KRT5: variants seen among roughly 807,000 people sequenced by gnomAD.
The protein encoded by KRT5 is keratin 5, also known as keratin, type II cytoskeletal 5.
Under a neutral mutation model 44.0 loss-of-function variants are expected in KRT5, and 17 were observed. The observed-to-expected ratio is 0.39, with a 90% CI of 0.26 to 0.58. The LOEUF is 0.58. Among genes scored for constraint, KRT5 ranks in the 20% least tolerant of loss-of-function variants. The pLI is 0.61. For missense variants in KRT5, 737 were observed against 785.5 expected, an observed-to-expected ratio of 0.94 and a Z score of 0.74; for synonymous variants, 329 against 312.8, an observed-to-expected ratio of 1.05 and a Z score of -0.55.
At chr12:52,515,547 C>G (rs1938596665) in intron 8 of KRT5, 2 of 624,968 alleles carry the variant, frequency 3.2e-6, no homozygotes, top group Non-Finnish European at 2.8e-6. Flanking sequence ...GTACTAGGGA[C>G]AAGGCAGGGG....
In KRT5 at chr12:52,519,829, T is replaced by G. The variant is rs1180564454; in HGVS notation, c.468A>C (p.Gln156His). ...TCACCCTCTGGATGCTGGGGTCGAT[T>G]TGCAGGTTGAGGGGAGTCAGGAGAC... is the stretch of plus-strand genomic sequence containing the variant. The part of the protein sequence containing the change: ...NQSLLTPLNL[Q>H]IDPSIQRVRT... The change falls in exon 1 of 9, where the codon CAA becomes CAC. Residue 156 changes from glutamine (Q) to histidine (H), a missense_variant. Transcript: ENST00000252242. The G allele has an allele frequency of 4.3e-6, 7 of 1,613,746 alleles. No homozygotes were observed. The African/African-American group carries it at 9.4e-5, about 22-fold the overall frequency.
chr12:52,518,794 G>A (rs1400406165), intron 2 of KRT5, 152 bp downstream of exon 2: 2 of 954,722 alleles, frequency 2.1e-6, no homozygotes, highest in Non-Finnish European at 1.6e-6. Context: ...CCTGGCTTGT[G>A]TATTTGTTTG....
chr12:52,519,681 T>A, intron 1 of KRT5, 61 bp downstream of exon 1: 3 of 1,508,464 alleles, frequency 2.0e-6, no homozygotes, highest in Non-Finnish European at 2.8e-6. Flanking sequence ...CTTCCTTCTT[T>A]CTCTCTCTTT....
chr12:52,519,274 G>T, intron 1 of KRT5, 114 bp from the exon 2 acceptor site: 2 of 1,471,272 alleles, frequency 1.4e-6, no homozygotes, highest in East Asian at 2.4e-5. Flanking sequence ...TGTGCACTGT[G>T]CCTGGCCCTG....
At chr12:52,517,511 A>G in intron 5 of KRT5, 79 bp downstream of exon 5, 1 of 1,493,130 alleles carries the variant, frequency 6.7e-7, no homozygotes, top group South Asian at 1.1e-5. Context: ...CAGGAGCCCC[A>G]TTCTTAGTGT....
chr12:52,519,839 A>G lies in KRT5; in HGVS notation c.458T>C (p.Leu153Pro), dbSNP rs1230945384. The G allele has an allele frequency of 2.5e-6, 4 of 1,613,774 alleles. No homozygotes were observed. Among genetic ancestry groups the G allele is most frequent in the Non-Finnish European group, 3.4e-6 (4 of 1,179,972 alleles). ...GATGCTGGGGTCGATTTGCAGGTTG[A>G]GGGGAGTCAGGAGACTCTGGTTGAC... ...VTVNQSLLTPLNLQIDPSIQR... is the reference protein window; with the variant it reads ...VTVNQSLLTPPNLQIDPSIQR... Residue 153 changes from leucine (L) to proline (P), a missense_variant, in exon 1 of 9, where the codon CTC (leucine) becomes CCC (proline). Around this residue, in one of 5 missense-constraint regions of KRT5, gnomAD observed 326 missense variants for 333.1 expected, o/e 0.98. Transcript: ENST00000252242.
In KRT5 at chr12:52,514,679, A is replaced by G. The variant is rs543314808; in HGVS notation, c.*263T>C. On this transcript the variant is annotated 3_prime_UTR_variant, in exon 9 of 9. Transcript: ENST00000252242. ...TCTGTTTTGATGATTTAGATTTGGG[A>G]AAACTTTGGGTTCTCGTGTCAGCAG... The G allele has an allele frequency of 1.6e-3, 755 of 478,610 alleles. 1 individual carries two copies. The highest frequency in any genetic ancestry group is 2.7e-3 in the Middle Eastern group (5 of 1,868). 29.6% of individuals were successfully genotyped at this position (478,610 alleles called of 1,614,324 possible).
chr12:52,516,261 C>CT (rs1482170915), intron 7 of KRT5: 2 of 393,506 alleles, frequency 5.1e-6, no homozygotes, highest in African/African-American at 4.1e-5. Flanking sequence ...TTTAACTCAG[C>CT]TGGAGTAAAC....
rs1132948 is a variant in KRT5, at chr12:52,518,984, C to T, written c.732G>A (p.Leu244=). The T allele has an allele frequency of 0.13, 213,962 of 1,614,044 alleles. 15,029 individuals are homozygous for T. Among genetic ancestry groups the T allele is most frequent in the Middle Eastern group, 0.19 (1,155 of 6,062 alleles). The change falls in exon 2 of 9, where the codon CTG becomes CTA. Residue 244 remains leucine, a synonymous_variant. Coordinates refer to ENST00000252242, the MANE Select transcript of KRT5 (RefSeq NM_000424.4). Reference sequence around the variant, plus strand: ...CTTCCACCAGGTCCTGCATGTTTCTCAGCTCTGAGTCCAGGCGGCCCCGTT... The same window carrying T: ...CTTCCACCAGGTCCTGCATGTTTCTTAGCTCTGAGTCCAGGCGGCCCCGTT... ...VGERGRLDSE[L]RNMQDLVEDF...
intron 4 of KRT5, 59 bp from the exon 5 acceptor site, chr12:52,517,813 C>G: frequency 6.2e-7 from 1 of 1,610,708 alleles, no homozygotes; most frequent in Non-Finnish European, 8.5e-7. Flanking sequence ...AATGTCAGTT[C>G]CATTCAAATC....
Position 52,516,832 on chromosome 12 carries a change from G to T in KRT5, c.1244C>A (p.Ala415Glu). Residue 415 changes from alanine to glutamate, a missense_variant, in exon 7 of 9, where the codon GCG becomes GAG. By Grantham distance (107) the Ala-to-Glu change is moderately radical. This residue lies in a region of KRT5 where 344 missense variants were observed against 351.6 expected (regional missense o/e 0.98). Transcript: ENST00000252242. ...CAGCTCCCCACGCTGCTCGGCATCC[G>T]CAATGGCGTTCTGCAGATTGGCGCA... ...KQCANLQNAI[A>E]DAEQRGELAL... 4.3e-6 allele frequency: 7 copies of T among 1,614,146 alleles called. No homozygotes were observed. The highest frequency in any genetic ancestry group is 5.1e-6 in the Non-Finnish European group (6 of 1,180,036).
intron 6 of KRT5, 26 bp from the exon 7 acceptor site, chr12:52,516,883 G>A (rs370470978): frequency 1.1e-5 from 18 of 1,612,256 alleles, no homozygotes; most frequent in African/African-American, 1.3e-5. Context: ...AGGAGAGTGG[G>A]GTTGCTTGGG....
chr12:52,518,239 G>T (rs1938647956), intron 2 of KRT5, 76 bp from the exon 3 acceptor site: 6 of 1,405,784 alleles, frequency 4.3e-6, no homozygotes, highest in Non-Finnish European at 5.1e-6. Flanking sequence ...GCAGTCAACT[G>T]TAAGCCTACT....
chr12:52,515,670 G>C, intron 8 of KRT5, 128 bp downstream of exon 8: 1 of 799,596 alleles, frequency 1.3e-6, no homozygotes, highest in South Asian at 1.4e-5. Flanking sequence ...AACTTACTAA[G>C]TGTATTATTA....
chr12:52,517,441 A>T, intron 5 of KRT5, 149 bp downstream of exon 5: 1 of 1,051,788 alleles, frequency 9.5e-7, no homozygotes, highest in Non-Finnish European at 1.5e-6. Flanking sequence ...CCTTGGGTTT[A>T]GATGGAAATT....
Position 52,520,337 on chromosome 12 carries a change from T to G in KRT5, c.-41A>C. 1 of 1,597,762 alleles carries G rather than the reference T, an allele frequency of 6.3e-7. No homozygotes were observed. On this transcript the variant is annotated 5_prime_UTR_variant, in exon 1 of 9. Coordinates refer to ENST00000252242, the MANE Select transcript of KRT5 (RefSeq NM_000424.4). ...GTGGAGCAAGAGAACCAGGCACTAG[T>G]GGGTTGGGAGGTGCTGGAGAGAACA...
chr12:52,519,258 C>T, intron 1 of KRT5, 98 bp from the exon 2 acceptor site: 2 of 1,536,682 alleles, frequency 1.3e-6, no homozygotes, highest in Non-Finnish European at 8.9e-7. Context: ...CCCTCTAAAG[C>T]TTTTCTGTGC....
rs1351733259 is a variant in KRT5, at chr12:52,514,683, CTT to C, written c.*257_*258del. On this transcript the variant is annotated 3_prime_UTR_variant, in exon 9 of 9. Transcript: ENST00000252242. ...TTTTGATGATTTAGATTTGGGAAAACTTTGGGTTCTCGTGTCAGCAGGGGCCA... is the reference window on the plus strand; with the variant it reads ...TTTTGATGATTTAGATTTGGGAAAACTGGGTTCTCGTGTCAGCAGGGGCCA... 4.2e-6 allele frequency: 2 copies of C among 480,048 alleles called. No individual in the cohort carries two copies. The highest frequency in any genetic ancestry group is 7.3e-6 in the Non-Finnish European group (2 of 272,532). 29.7% of individuals were successfully genotyped at this position (480,048 alleles called of 1,614,324 possible). A position where few individuals can be genotyped will look rare whatever the true frequency, so the allele number is the denominator to read the frequency against.
rs1938590332 is a variant in KRT5, at chr12:52,515,217, A to C, written c.1498T>G (p.Ser500Ala). The C allele has an allele frequency of 1.2e-6, 2 of 1,609,096 alleles. No individual in the cohort carries two copies. Among genetic ancestry groups the C allele is most frequent in the African/African-American group, 2.7e-5 (2 of 74,812 alleles). ...NISVVTSSVS[S>A]GYGSGSGYGG... is the part of the protein sequence containing the mutation. ...TAGCCACTGCCACTGCCATATCCAG[A>C]GGAAACACTGCTTGTGACAACAGCT... is the stretch of plus-strand genomic sequence containing the variant. The change falls in exon 9 of 9, where the codon TCT (serine) becomes GCT (alanine). Residue 500 changes from serine to alanine, a missense_variant. Ser to Ala is a moderately conservative substitution (Grantham distance 99). Coordinates refer to ENST00000252242, the MANE Select transcript of KRT5 (RefSeq NM_000424.4).
Sources: gnomAD v4.1 joint callset for allele counts on GRCh38, gnomAD v4.1.1 for gene constraint, gnomAD v4.1.1 regional missense constraint, MANE v1.5 for transcripts, NCBI Gene and HGNC (gene_info 2026-07-23, HGNC 2026-07-21) for gene names.